The following MGA variants were observed in gnomAD, a reference collection of about 807,000 sequenced individuals.
MGA encodes MAX dimerization protein MGA.
Under a neutral mutation model 261.1 loss-of-function variants are expected in MGA, and 40 were observed. The ratio of observed to expected loss-of-function variants is 0.15; its 90% CI spans 0.12 to 0.20. The LOEUF (loss-of-function observed/expected upper bound fraction) is 0.20, where lower values mean the gene tolerates loss of function less well. Among genes scored for constraint, MGA ranks in the 10% least tolerant of loss-of-function variants. The pLI, the probability that MGA is intolerant of heterozygous loss-of-function variation, is 1.00. For missense variants in MGA, 3,397 were observed against 3,630.5 expected (o/e 0.94, Z 1.65); for synonymous variants, 1,302 against 1,290.6 (o/e 1.01, Z -0.19).
intron 22 of MGA, 99 bp downstream of exon 22, chr15:41,762,461 G>GTTTTTTGTTTTTTTTTTTTTTTTTTT (rs2063524547): frequency 8.0e-6 from 1 of 125,094 alleles, no homozygotes; most frequent in East Asian, 3.9e-4. Flanking sequence ...GTTTTGTGTG[G>GTTTTTTGTTTTTTTTTTTTTTTTTTT]TTTTTTTTTT....
intron 2 of MGA, among the ~76,000 whole-genome samples, chr15:41,678,120 T>G (rs1232622029): frequency 2.0e-5 from 3 of 151,148 alleles, no homozygotes; most frequent in Non-Finnish European, 4.4e-5. Flanking sequence ...AGACAGAGTC[T>G]TGCTCTGTCA....
chr15:41,740,003 T>C, intron 13 of MGA: 2 of 1,613,852 alleles, frequency 1.2e-6, no homozygotes, highest in Non-Finnish European at 1.7e-6. Context: ...ACAGGCAGGT[T>C]GCGACCCTCA....
rs769133830 is a variant in MGA at position 41,749,589 on chromosome 15, A to G, written c.5982A>G (p.Leu1994=). ...GAGAGCAAGAAACGAAGAAGGTTCT[A>G]CAGTCAGAAGGAGAGGCTGTAGACC... The change falls in exon 17 of 24, where the codon CTA becomes CTG. Residue 1994 remains leucine (L), a synonymous_variant. Transcript: ENST00000219905. 4.8e-5 allele frequency: 78 copies of G among 1,613,856 alleles called. No individual in the cohort carries two copies. The highest frequency in any genetic ancestry group is 5.8e-5 in the Non-Finnish European group (69 of 1,179,898).
intron 2 of MGA, among the ~76,000 whole-genome samples, chr15:41,686,098 A>G (rs2058951931): frequency 6.6e-6 from 1 of 152,120 alleles, no homozygotes; most frequent in Non-Finnish European, 1.5e-5. Flanking sequence ...GTCCTTTAGA[A>G]ATTTTCTACA....
At chr15:41,706,859 C>T (rs2060143582) in intron 5 of MGA, among the ~76,000 whole-genome samples, 1 of 152,168 alleles carries the variant, frequency 6.6e-6, no homozygotes, top group Non-Finnish European at 1.5e-5. Context: ...CAAGTGTGAG[C>T]CACCAGCTCC....
At chr15:41,634,208 C>G (rs1052397462) in intron 1 of MGA, among the ~76,000 whole-genome samples, 11 of 152,098 alleles carry the variant, frequency 7.2e-5, no homozygotes, top group African/African-American at 2.4e-4. Flanking sequence ...TACTAAAATT[C>G]GAGTACCATG....
At chr15:41,666,161 A>G (rs1043804705) in intron 1 of MGA, among the ~76,000 whole-genome samples, 5 of 150,838 alleles carry the variant, frequency 3.3e-5, no homozygotes, top group South Asian at 2.1e-4. Flanking sequence ...TCCTAAAGTG[A>G]TGGAATTACC....
At chr15:41,757,761 A>T (rs2063227582) in intron 18 of MGA, 27 bp from the exon 19 acceptor site, 2 of 1,581,364 alleles carry the variant, frequency 1.3e-6, no homozygotes. Flanking sequence ...TTTCAGTAAG[A>T]CACTGAAAAA....
intron 7 of MGA, among the ~76,000 whole-genome samples, chr15:41,709,063 G>T (rs893753573): frequency 1.3e-5 from 2 of 152,018 alleles, no homozygotes; most frequent in African/African-American, 4.8e-5. Flanking sequence ...TAAATTTTGT[G>T]GTTGGGCATG....
intron 9 of MGA, among the ~76,000 whole-genome samples, chr15:41,721,075 A>G (rs1415005586): frequency 1.3e-5 from 2 of 152,194 alleles, no homozygotes; most frequent in Admixed American, 1.3e-4. Context: ...GATACAGGCA[A>G]ATGTATACAG....
At chr15:41,704,024 C>G (rs6493008) in intron 5 of MGA, among the ~76,000 whole-genome samples, 114,778 of 151,884 alleles carry the variant, frequency 0.76, 44,561 homozygotes, top group East Asian at 0.87. Flanking sequence ...TGTTGCCCAG[C>G]CTGGTCTCGA....
upstream of MGA, among the ~76,000 whole-genome samples, chr15:41,656,586 C>T (rs144202853): frequency 0.013 from 2,035 of 151,840 alleles, 38 homozygotes; most frequent in South Asian, 0.065. Flanking sequence ...TCTCAAACTC[C>T]TGAGCTCAAA....
At chr15:41,764,379 G>A (rs1436773034) in intron 22 of MGA, among the ~76,000 whole-genome samples, 4 of 151,134 alleles carry the variant, frequency 2.6e-5, no homozygotes, top group African/African-American at 4.9e-5. Flanking sequence ...TCAGCCTGCC[G>A]TGTAGCTGGG....
intron 8 of MGA, among the ~76,000 whole-genome samples, chr15:41,711,752 G>A (rs1262805169): frequency 2.0e-5 from 3 of 152,144 alleles, no homozygotes; most frequent in African/African-American, 7.2e-5. Flanking sequence ...CTGGAGTGCA[G>A]TGGCAGGATC....
At chr15:41,758,835 A>G (rs570253628) in intron 19 of MGA, among the ~76,000 whole-genome samples, 1 of 152,318 alleles carries the variant, frequency 6.6e-6, no homozygotes, top group African/African-American at 2.4e-5. Flanking sequence ...AAAAGAGACA[A>G]TTAGAAACAT....
intron 9 of MGA, among the ~76,000 whole-genome samples, chr15:41,722,955 G>A (rs1237794257): frequency 6.6e-6 from 1 of 152,180 alleles, no homozygotes; most frequent in Non-Finnish European, 1.5e-5. Flanking sequence ...CTGAATTCCT[G>A]TAATGTTTTA....
At position 41,765,020 on chromosome 15, in the gene MGA, G is replaced by A. The variant is rs1596033330; in HGVS notation, c.7879G>A (p.Asp2627Asn). ...TGTTTCTCCTGATCTCTTAGAATCTGATCTTAAGCCTCAAGTTGCCGGTAG... is the reference window on the plus strand; with the variant it reads ...TGTTTCTCCTGATCTCTTAGAATCTAATCTTAAGCCTCAAGTTGCCGGTAG... The change falls in exon 23 of 24, where the codon GAT becomes AAT. Residue 2627 changes from aspartate to asparagine, a missense_variant. Physicochemically the swap from Asp to Asn is conservative, Grantham distance 23 (BLOSUM62 1). This residue lies in a region of MGA where 647 missense variants were observed against 642.4 expected (regional missense o/e 1.01). Coordinates refer to ENST00000219905, the MANE Select transcript of MGA (RefSeq NM_001164273.2). The A allele has an allele frequency of 1.9e-6, 3 of 1,613,904 alleles. No individual in the cohort carries two copies. Among genetic ancestry groups the A allele is most frequent in the Non-Finnish European group, 2.5e-6 (3 of 1,179,912 alleles).
intron 13 of MGA, among the ~76,000 whole-genome samples, chr15:41,738,660 T>C (rs1375992657): frequency 1.3e-5 from 2 of 152,216 alleles, no homozygotes; most frequent in Non-Finnish European, 2.9e-5. Context: ...AAAGCCACCA[T>C]AGAATGTGTC....
At chr15:41,644,725 A>T (rs761657422) in intron 1 of MGA, among the ~76,000 whole-genome samples, 1 of 152,216 alleles carries the variant, frequency 6.6e-6, no homozygotes, top group Non-Finnish European at 1.5e-5. Flanking sequence ...ATTGTGGAAT[A>T]CTAAAGTTGG....
Sources: allele counts gnomAD v4.1 joint callset (sites outside exome capture counted in the v4.1 genomes callset), GRCh38; gene constraint gnomAD v4.1.1; regional missense constraint gnomAD v4.1.1; transcripts MANE v1.5; gene names NCBI Gene and HGNC (gene_info 2026-07-23, HGNC 2026-07-21).